The following FLT3 variants were observed in gnomAD, a reference collection of about 807,000 sequenced individuals.
FLT3 encodes receptor-type tyrosine-protein kinase FLT3.
In FLT3, 46 loss-of-function variants were observed where a neutral mutation model predicts 126.6. That is an observed-to-expected ratio of 0.36 (90% confidence interval 0.29 to 0.46). The LOEUF is 0.46. FLT3 is among the 20% of genes least tolerant of loss of function. The probability of loss-of-function intolerance (pLI) is 1.00; values close to 1 mark genes in which losing one functional copy is unlikely to be tolerated. For synonymous variants in FLT3, 404 were observed against 434.4 expected, an observed-to-expected ratio of 0.93 and a Z score of 0.87; for missense variants, 1,069 against 1,190.3, an observed-to-expected ratio of 0.90 and a Z score of 1.50.
chr13:28,013,317 A>C (rs573836730), intron 23 of FLT3, among the ~76,000 whole-genome samples: 2 of 152,352 alleles, frequency 1.3e-5, no homozygotes, highest in African/African-American at 4.8e-5. Context: ...TATGGAGTAA[A>C]TACCAAGTGC....
Position 28,090,127 on chromosome 13 carries a change from G to A in FLT3, c.43+10341C>T, listed in dbSNP as rs1342677266. Among the ~76,000 whole-genome samples the A allele has an allele frequency of 2.0e-5, 3 of 151,522 alleles. No homozygotes were observed. The East Asian group carries it at 5.9e-4, about 30-fold the overall frequency. ...ACAATCTCAGCTCACTGCAACCTCC[G>A]CCTCCCAGGTTCAAATGATTATCCT... On this transcript the variant is annotated intron_variant, in intron 1 of 23. Coordinates refer to ENST00000241453, the MANE Select transcript of FLT3 (RefSeq NM_004119.3).
chr13:28,006,289 C>T (rs911704261), intron 23 of FLT3, among the ~76,000 whole-genome samples: 1 of 148,424 alleles, frequency 6.7e-6, no homozygotes, highest in African/African-American at 2.5e-5. Flanking sequence ...CTACACTTCA[C>T]TTTTCTTTCT....
At chr13:28,093,776 A>C (rs1593311341) in intron 1 of FLT3, among the ~76,000 whole-genome samples, 2 of 152,070 alleles carry the variant, frequency 1.3e-5, no homozygotes. Flanking sequence ...CTCCACTGCA[A>C]TTTTCTTTCT....
rs745858926 is a variant in FLT3, at chr13:28,003,830, A to G, written c.*222T>C. 5.3e-6 allele frequency: 3 copies of G among 564,842 alleles called. No homozygotes were observed. The highest frequency in any genetic ancestry group is 4.9e-4 in the Middle Eastern group (1 of 2,042). 35.0% of individuals were successfully genotyped at this position (564,842 alleles called of 1,614,324 possible). A position where few individuals can be genotyped will look rare whatever the true frequency, so the allele number is the denominator to read the frequency against. On this transcript the variant is annotated 3_prime_UTR_variant, in exon 24 of 24. Transcript: ENST00000241453. ...CTTGGATGCAGATCAATGCTCCAATAAAGTTCATTATCAGCTCCTCCTGCC... is the reference window on the plus strand; with the variant it reads ...CTTGGATGCAGATCAATGCTCCAATGAAGTTCATTATCAGCTCCTCCTGCC...
At chr13:28,049,977 C>T (rs749998971) in intron 6 of FLT3, 118 bp downstream of exon 6, 5 of 1,250,642 alleles carry the variant, frequency 4.0e-6, no homozygotes, top group Non-Finnish European at 5.6e-6. Flanking sequence ...TTTACTGTGA[C>T]CTGAAGGAAT....
intron 1 of FLT3, among the ~76,000 whole-genome samples, chr13:28,082,551 A>T (rs139296941): frequency 6.6e-6 from 1 of 151,932 alleles, no homozygotes; most frequent in African/African-American, 2.4e-5. Flanking sequence ...GATGGAGTCC[A>T]GTGGTGCGAT....
chr13:28,097,796 T>C (rs752015873), intron 1 of FLT3, among the ~76,000 whole-genome samples: 9 of 152,142 alleles, frequency 5.9e-5, no homozygotes, highest in Admixed American at 3.3e-4. Flanking sequence ...TAAACTAAGA[T>C]AAGCAACAAG....
At chr13:28,021,004 T>G (rs1481469092) in intron 19 of FLT3, among the ~76,000 whole-genome samples, 1 of 152,154 alleles carries the variant, frequency 6.6e-6, no homozygotes, top group African/African-American at 2.4e-5. Flanking sequence ...CAGTGCCCCT[T>G]GACTGCCAGT....
chr13:28,030,525 A>G (rs995752862), intron 15 of FLT3, among the ~76,000 whole-genome samples: 3 of 152,110 alleles, frequency 2.0e-5, no homozygotes, highest in African/African-American at 7.2e-5. Context: ...TCTCCTGGAG[A>G]AGGCAGAGAA....
At chr13:28,051,474 T>C (rs1875456178) in intron 5 of FLT3, among the ~76,000 whole-genome samples, 1 of 151,592 alleles carries the variant, frequency 6.6e-6, no homozygotes, top group Admixed American at 6.6e-5. Flanking sequence ...CAACCTCAGG[T>C]GATCTGCCTG....
chr13:28,024,288 T>C (rs1192144464), intron 18 of FLT3, among the ~76,000 whole-genome samples: 1 of 151,992 alleles, frequency 6.6e-6, no homozygotes, highest in East Asian at 1.9e-4. Context: ...TGCACCACCA[T>C]ACCCAGCTAA....
rs147453280 is a variant in FLT3, at chr13:28,062,049, G to A, written c.186C>T (p.Asp62=). Residue 62 remains aspartate (D), a synonymous_variant, in exon 3 of 24, where the codon GAC becomes GAT. Coordinates refer to ENST00000241453, the MANE Select transcript of FLT3 (RefSeq NM_004119.3). ...TCTGGGGTCTCAACGCACACCCGAG[G>A]TCTTCCGGGGATTCTGATACCTACG... is the stretch of plus-strand genomic sequence containing the variant. The part of the protein sequence containing the change: ...SYPMVSESPE[D]LGCALRPQSS... The A allele has an allele frequency of 1.2e-6, 2 of 1,612,188 alleles. No individual in the cohort carries two copies. Among genetic ancestry groups the A allele is most frequent in the African/African-American group, 1.3e-5 (1 of 74,946 alleles).
At chr13:28,098,156 A>C (rs1363015004) in intron 1 of FLT3, among the ~76,000 whole-genome samples, 1 of 151,982 alleles carries the variant, frequency 6.6e-6, no homozygotes, top group East Asian at 1.9e-4. Flanking sequence ...CTCTACTAAA[A>C]ATACAAAAAT....
intron 1 of FLT3, among the ~76,000 whole-genome samples, chr13:28,087,543 G>C (rs1016523162): frequency 6.6e-6 from 1 of 152,104 alleles, no homozygotes; most frequent in African/African-American, 2.4e-5. Context: ...TGGGCTTCTT[G>C]AACCCATAGG....
intron 16 of FLT3, 108 bp from the exon 17 acceptor site, chr13:28,027,349 T>C: frequency 1.3e-6 from 1 of 777,598 alleles, no homozygotes. Context: ...CTCTGCTGAC[T>C]TGGGGACAGT....
At chr13:28,040,887 C>A (rs1211673392) in intron 9 of FLT3, among the ~76,000 whole-genome samples, 1 of 149,228 alleles carries the variant, frequency 6.7e-6, no homozygotes, top group African/African-American at 2.5e-5. Flanking sequence ...GTGGTCCCAG[C>A]TACTTGGGAG....
At chr13:28,051,732 G>C (rs1216434440) in intron 5 of FLT3, among the ~76,000 whole-genome samples, 1 of 151,494 alleles carries the variant, frequency 6.6e-6, no homozygotes. Context: ...ATTTTTAGTA[G>C]AGATGGGGTT....
chr13:28,029,593 T>A (rs1303831309), intron 15 of FLT3, among the ~76,000 whole-genome samples: 1 of 152,194 alleles, frequency 6.6e-6, no homozygotes, highest in Non-Finnish European at 1.5e-5. Context: ...CCTTTTTGTT[T>A]GTTTGTTTGA....
chr13:28,095,025 G>A (rs1413443333), intron 1 of FLT3, among the ~76,000 whole-genome samples: 1 of 152,146 alleles, frequency 6.6e-6, no homozygotes, highest in African/African-American at 2.4e-5. Context: ...CTATAACTGT[G>A]ACTACCTGAG....
Sources: allele counts gnomAD v4.1 joint callset (sites outside exome capture counted in the v4.1 genomes callset), GRCh38; gene constraint gnomAD v4.1.1; transcripts MANE v1.5; gene names NCBI Gene and HGNC (gene_info 2026-07-23, HGNC 2026-07-21).